Variants in TSNAXIP1 observed in about 807,000 individuals in gnomAD.
TSNAXIP1 encodes translin associated factor X interacting protein 1.
In TSNAXIP1, 89 loss-of-function variants were observed where a neutral mutation model predicts 84.8. The ratio of observed to expected loss-of-function variants is 1.05; its 90% confidence interval spans 0.88 to 1.25. TSNAXIP1 has a LOEUF of 1.25. TSNAXIP1 is among the 50% of genes most tolerant of loss of function. The pLI, the probability that TSNAXIP1 is intolerant of heterozygous loss-of-function variation, is 0.00. For missense variants in TSNAXIP1, 874 were observed against 887.6 expected (o/e 0.98, Z 0.20); for synonymous variants, 347 against 335.2 (o/e 1.04, Z -0.39).
chr16:67,815,244 G>A (rs988065668), intron 2 of TSNAXIP1, among the ~76,000 whole-genome samples: 9 of 147,302 alleles, frequency 6.1e-5, no homozygotes, highest in East Asian at 2.0e-4. Flanking sequence ...AACCTGGGAC[G>A]TGGAGGTTGC....
intron 2 of TSNAXIP1, among the ~76,000 whole-genome samples, chr16:67,815,960 C>T (rs919206527): frequency 6.7e-6 from 1 of 149,608 alleles, no homozygotes; most frequent in African/African-American, 2.5e-5. Flanking sequence ...CCACCATGCC[C>T]GGCTAATTTT....
chr16:67,817,762 G>A (rs1034709871), intron 2 of TSNAXIP1, among the ~76,000 whole-genome samples: 1 of 130,852 alleles, frequency 7.6e-6, no homozygotes, highest in East Asian at 2.0e-4. Flanking sequence ...GTGGTGGTGC[G>A]TGCCTGCAGT....
chr16:67,825,365 A>G, intron 7 of TSNAXIP1, 93 bp downstream of exon 7: 1 of 1,527,476 alleles, frequency 6.5e-7, no homozygotes. Flanking sequence ...AGCATTCCTA[A>G]GACCTGCTCA....
At position 67,817,933 on chromosome 16, in the gene TSNAXIP1, G is replaced by A. The variant is rs150177438; in HGVS notation, c.148-2906G>A. The stretch of plus-strand genomic sequence containing the variant: ...CAAATAATAAAAAATAGTCTGGGCC[G>A]GGCGCAGTGGCTCACACCTGTAATC... On this transcript the variant is annotated intron_variant, in intron 2 of 15. Coordinates refer to ENST00000561639, the MANE Select transcript of TSNAXIP1 (RefSeq NM_001288990.3). Among the ~76,000 whole-genome samples, 1,134 of 151,756 alleles carry A rather than the reference G, an allele frequency of 7.5e-3. 7 individuals are homozygous for A. Among genetic ancestry groups the A allele is most frequent in the African/African-American group, 0.021 (869 of 41,356 alleles).
At chr16:67,816,665 ATT>A (rs1175401817) in intron 2 of TSNAXIP1, among the ~76,000 whole-genome samples, 1 of 152,062 alleles carries the variant, frequency 6.6e-6, no homozygotes, top group African/African-American at 2.4e-5. Context: ...AGGCTTTTTC[ATT>A]CTTTCTTTTG....
chr16:67,823,702 C>T lies in TSNAXIP1; in HGVS notation c.464C>T (p.Ala155Val), dbSNP rs779409740. Residue 155 changes from alanine to valine, a missense_variant, in exon 5 of 16, where the codon GCG (alanine) becomes GTG (valine). Transcript: ENST00000561639. ...YKPLLSSIKN[A>V]YEGMLAHQRE... The stretch of plus-strand genomic sequence containing the variant: ...CCATTACTATCCTCCATCAAGAATG[C>T]GTATGAGGGGATGCTGGGTAAGAAT... 1.5e-5 allele frequency: 24 copies of T among 1,612,140 alleles called. No individual in the cohort carries two copies. Among genetic ancestry groups the T allele is most frequent in the Admixed American group, 3.3e-5 (2 of 59,858 alleles).
chr16:67,815,180 G>A (rs1030126858), intron 2 of TSNAXIP1, among the ~76,000 whole-genome samples: 6 of 151,886 alleles, frequency 4.0e-5, no homozygotes, highest in African/African-American at 1.5e-4. Flanking sequence ...GCCATGCATG[G>A]TGGTGCATCT....
At chr16:67,819,832 T>C (rs971358086) in intron 2 of TSNAXIP1, among the ~76,000 whole-genome samples, 18 of 144,060 alleles carry the variant, frequency 1.2e-4, no homozygotes, top group Admixed American at 6.9e-5. Flanking sequence ...TTTTTTTTTT[T>C]TTTTTGAGAC....
intron 7 of TSNAXIP1, 87 bp downstream of exon 7, chr16:67,825,359 T>G (rs1465354887): frequency 1.3e-6 from 2 of 1,550,690 alleles, no homozygotes; most frequent in African/African-American, 2.7e-5. Context: ...TCATTCAGCA[T>G]TCCTAAGACC....
intron 1 of TSNAXIP1, among the ~76,000 whole-genome samples, chr16:67,813,631 G>A (rs899076628): frequency 6.7e-6 from 1 of 149,854 alleles, no homozygotes; most frequent in African/African-American, 2.5e-5. Flanking sequence ...TACTCGGGAT[G>A]CTGAGGCAGA....
chr16:67,823,621 GC>G lies in TSNAXIP1; in HGVS notation c.388-3del. ...AGGAGATGATGGGTTCCCTTTTCTT[GC>G]CAGCCTTACAGAGAGATCTTTGAGT... On this transcript the variant is annotated splice_region_variant and splice_polypyrimidine_tract_variant and intron_variant, in intron 4 of 15. Coordinates refer to ENST00000561639, the MANE Select transcript of TSNAXIP1 (RefSeq NM_001288990.3). 2 of 1,612,964 alleles carry G rather than the reference GC, an allele frequency of 1.2e-6. No homozygotes were observed. The highest frequency in any genetic ancestry group is 1.7e-6 in the Non-Finnish European group (2 of 1,179,178).
intron 2 of TSNAXIP1, among the ~76,000 whole-genome samples, chr16:67,819,125 G>A (rs537652620): frequency 9.9e-5 from 15 of 152,014 alleles, no homozygotes; most frequent in African/African-American, 3.1e-4. Context: ...AGCAGAGATC[G>A]TGCTACTGTA....
rs1180579148 is a variant in TSNAXIP1 at position 67,820,851 on chromosome 16, T to A, written c.160T>A (p.Ser54Thr). 1 of 1,555,812 alleles carries A rather than the reference T, an allele frequency of 6.4e-7. No homozygotes were observed. The highest frequency in any genetic ancestry group is 8.7e-7 in the Non-Finnish European group (1 of 1,153,288). ...TACCTCCCTGCAGACTGGTCAGTTC[T>A]CCATGGGTGGGCACCTGTCCCCATG... Reference protein sequence around the residue: ...QKRRTLTGQFSMGGHLSPWPT... With the variant: ...QKRRTLTGQFTMGGHLSPWPT... Residue 54 changes from serine to threonine, a missense_variant, in exon 3 of 16, where the codon TCC (serine) becomes ACC (threonine). Coordinates refer to ENST00000561639, the MANE Select transcript of TSNAXIP1 (RefSeq NM_001288990.3).
rs756337411 is a variant in TSNAXIP1, at chr16:67,826,116, T to C, written c.1145-36T>C. The C allele has an allele frequency of 1.9e-6, 3 of 1,613,194 alleles. No homozygotes were observed. In the African/African-American group the frequency reaches 4.0e-5, roughly 22 times the overall value. ...CAGGGCCCCAGGTCCTGCTTACATGTGGGCCCAGACTCCAGCTCCCTCTCC... is the reference window on the plus strand; with the variant it reads ...CAGGGCCCCAGGTCCTGCTTACATGCGGGCCCAGACTCCAGCTCCCTCTCC... On this transcript the variant is annotated intron_variant, in intron 9 of 15. Transcript: ENST00000561639.
In TSNAXIP1 at chr16:67,826,081, G is replaced by A; in HGVS notation, c.1144+5G>A. ...CTGACTGGACCAAGTGCAAAGGTGA[G>A]GGCAGCCGGCAGGGCCCCAGGTCCT... On this transcript the variant is annotated splice_donor_5th_base_variant and intron_variant, in intron 9 of 15. Coordinates refer to ENST00000561639, the MANE Select transcript of TSNAXIP1 (RefSeq NM_001288990.3). 6.2e-7 allele frequency: 1 copy of A among 1,613,354 alleles called. No individual in the cohort carries two copies. The highest frequency in any genetic ancestry group is 8.5e-7 in the Non-Finnish European group (1 of 1,180,034).
In TSNAXIP1 at chr16:67,807,034, C is replaced by T. The variant is rs1192227293; in HGVS notation, c.-116C>T. On this transcript the variant is annotated 5_prime_UTR_variant, in exon 1 of 16. Transcript: ENST00000561639. ...GCTAGGCTCGGGGGCGTGGCGCATC[C>T]CTGACTCCGCCCCCGCCGCGGGGGG... 1.4e-5 allele frequency: 20 copies of T among 1,466,120 alleles called. No homozygotes were observed. The highest frequency in any genetic ancestry group is 1.7e-5 in the Non-Finnish European group (19 of 1,110,104). 90.8% of individuals were successfully genotyped at this position (1,466,120 alleles called of 1,614,324 possible). A position where few individuals can be genotyped will look rare whatever the true frequency, so the allele number is the denominator to read the frequency against.
At chr16:67,808,653 G>A (rs182131483) in intron 1 of TSNAXIP1, among the ~76,000 whole-genome samples, 1 of 151,508 alleles carries the variant, frequency 6.6e-6, no homozygotes, top group Non-Finnish European at 1.5e-5. Flanking sequence ...CAGGAGAATC[G>A]CTTGAACCAG....
In TSNAXIP1 at chr16:67,826,965, G is replaced by T; in HGVS notation, c.1557G>T (p.Arg519=). The change falls in exon 13 of 16, where the codon CGG becomes CGT. Residue 519 remains arginine (R), a splice_region_variant and synonymous_variant. Transcript: ENST00000561639. ...SQFYAVLMGK[R]SENVYVTQKE... ...GAATAATGCTTCTCTCCTTATAGCGGAGTGAGAATGTGTATGTCACCCAGA... is the reference window on the plus strand; with the variant it reads ...GAATAATGCTTCTCTCCTTATAGCGTAGTGAGAATGTGTATGTCACCCAGA... 6.2e-7 allele frequency: 1 copy of T among 1,614,134 alleles called. No homozygotes were observed. The highest frequency in any genetic ancestry group is 8.5e-7 in the Non-Finnish European group (1 of 1,180,030).
chr16:67,813,533 G>A (rs1186096661), intron 1 of TSNAXIP1, among the ~76,000 whole-genome samples: 1 of 151,750 alleles, frequency 6.6e-6, no homozygotes, highest in East Asian at 1.9e-4. Context: ...AGGAATTCAA[G>A]ACCAGCCTGG....
Sources: gnomAD v4.1 joint callset for allele counts (sites outside exome capture counted in the v4.1 genomes callset) on GRCh38, gnomAD v4.1.1 for gene constraint, MANE v1.5 for transcripts, NCBI Gene and HGNC (gene_info 2026-07-23, HGNC 2026-07-21) for gene names.